The following FHOD3 variants were observed in gnomAD, a reference collection of about 807,000 sequenced individuals.
FHOD3 encodes FH1/FH2 domain-containing protein 3.
Under a neutral mutation model 173.0 loss-of-function variants are expected in FHOD3, and 90 were observed. That is an observed-to-expected ratio of 0.52 (90% CI 0.44 to 0.62). The LOEUF is 0.62. Among genes scored for constraint, FHOD3 ranks in the 20% least tolerant of loss-of-function variants. The pLI, the probability that FHOD3 is intolerant of heterozygous loss-of-function variation, is 0.00. For synonymous variants in FHOD3, 828 were observed against 823.0 expected (o/e 1.01, Z -0.10); for missense variants, 1,945 against 2,034.7 (o/e 0.96, Z 0.85).
At chr18:36,739,802 C>T (rs1042185141) in intron 20 of FHOD3, among the ~76,000 whole-genome samples, 2 of 151,888 alleles carry the variant, frequency 1.3e-5, no homozygotes, top group African/African-American at 4.8e-5. Context: ...GTGTATTGAC[C>T]CTATATCATA....
chr18:36,353,022 C>T (rs772663793), intron 1 of FHOD3, among the ~76,000 whole-genome samples: 4 of 152,206 alleles, frequency 2.6e-5, no homozygotes, highest in Non-Finnish European at 5.9e-5. Flanking sequence ...TCTGCAGGAA[C>T]TCTTCCTGCC....
At chr18:36,398,909 T>C (rs2048676931) in intron 3 of FHOD3, among the ~76,000 whole-genome samples, 1 of 152,030 alleles carries the variant, frequency 6.6e-6, no homozygotes, top group Non-Finnish European at 1.5e-5. Flanking sequence ...GAGAAATATG[T>C]GTGGCATGTG....
chr18:36,671,521 A>G (rs1026163140), intron 14 of FHOD3, among the ~76,000 whole-genome samples: 1 of 152,216 alleles, frequency 6.6e-6, no homozygotes, highest in African/African-American at 2.4e-5. Context: ...TTTTTTCACC[A>G]CTGAAATAGA....
rs142186343 is a variant in FHOD3 at position 36,625,609 on chromosome 18, C to A, written c.1056C>A (p.Gly352=). 2 of 1,585,450 alleles carry A rather than the reference C, an allele frequency of 1.3e-6. No homozygotes were observed. Among genetic ancestry groups the A allele is most frequent in the Non-Finnish European group, 8.6e-7 (1 of 1,162,062 alleles). Residue 352 remains glycine (G), a synonymous_variant, in exon 10 of 29, where the codon GGC becomes GGA. Transcript: ENST00000590592. The part of the protein sequence containing the change: ...RRASVCSSGG[G]EHRGLDRRRS... ...CCAGCGTGTGTTCCAGTGGCGGAGGCGAGCACCGGGGCCTGGACCGCAGAA... is the reference window on the plus strand; with the variant it reads ...CCAGCGTGTGTTCCAGTGGCGGAGGAGAGCACCGGGGCCTGGACCGCAGAA...
intron 3 of FHOD3, among the ~76,000 whole-genome samples, chr18:36,459,650 AAGC>A (rs1312412839): frequency 1.3e-5 from 2 of 152,304 alleles, no homozygotes; most frequent in Admixed American, 6.5e-5. Flanking sequence ...TCAAGTATAA[AAGC>A]AGAGCATTTT....
chr18:36,378,442 A>G (rs2047554670), intron 3 of FHOD3, among the ~76,000 whole-genome samples: 1 of 151,978 alleles, frequency 6.6e-6, no homozygotes, highest in Admixed American at 6.6e-5. Context: ...GCATGTGTCT[A>G]GAAGGCCCTT....
chr18:36,610,243 C>G (rs541441940), intron 8 of FHOD3, among the ~76,000 whole-genome samples: 2 of 152,370 alleles, frequency 1.3e-5, no homozygotes, highest in African/African-American at 2.4e-5. Flanking sequence ...GTTAGGGCAT[C>G]TCTAATTGTT....
At chr18:36,600,934 T>C (rs2031290101) in intron 7 of FHOD3, among the ~76,000 whole-genome samples, 2 of 152,178 alleles carry the variant, frequency 1.3e-5, no homozygotes, top group South Asian at 4.1e-4. Context: ...TATGCCAAGG[T>C]TTTATACAAA....
intron 5 of FHOD3, among the ~76,000 whole-genome samples, chr18:36,542,547 T>C (rs935944282): frequency 6.6e-5 from 10 of 152,234 alleles, no homozygotes; most frequent in Admixed American, 5.2e-4. Context: ...TTGCTAAATA[T>C]ATAGGGTATT....
At chr18:36,602,274 A>G (rs924521907) in intron 7 of FHOD3, among the ~76,000 whole-genome samples, 1 of 152,178 alleles carries the variant, frequency 6.6e-6, no homozygotes, top group Admixed American at 6.5e-5. Flanking sequence ...GGATGTTAAG[A>G]TCTTCCACAT....
At chr18:36,533,566 A>G (rs1233297595) in intron 5 of FHOD3, among the ~76,000 whole-genome samples, 1 of 152,208 alleles carries the variant, frequency 6.6e-6, no homozygotes, top group Non-Finnish European at 1.5e-5. Flanking sequence ...GCTGCTCTTG[A>G]AAAGGTCTGA....
At chr18:36,663,518 CT>C (rs2036954002) in intron 14 of FHOD3, among the ~76,000 whole-genome samples, 1 of 152,172 alleles carries the variant, frequency 6.6e-6, no homozygotes, top group Non-Finnish European at 1.5e-5. Context: ...GCATCATCTG[CT>C]TTTAGGAGGT....
At chr18:36,345,492 G>T (rs2045837641) in intron 1 of FHOD3, among the ~76,000 whole-genome samples, 1 of 152,132 alleles carries the variant, frequency 6.6e-6, no homozygotes, top group African/African-American at 2.4e-5. Flanking sequence ...AGGCTAGAGT[G>T]CAGTGGCACG....
At chr18:36,537,904 C>T (rs1276609729) in intron 5 of FHOD3, among the ~76,000 whole-genome samples, 1 of 151,926 alleles carries the variant, frequency 6.6e-6, no homozygotes, top group Non-Finnish European at 1.5e-5. Context: ...TTTAAAGGGC[C>T]CATGGAATAT....
intron 4 of FHOD3, among the ~76,000 whole-genome samples, chr18:36,511,358 T>C: frequency 1.6e-5 from 1 of 61,760 alleles, no homozygotes; most frequent in Non-Finnish European, 4.5e-5. Context: ...CTTGCCAATG[T>C]TTTTTTTTTT....
intron 1 of FHOD3, among the ~76,000 whole-genome samples, chr18:36,305,429 C>A (rs935783366): frequency 3.9e-5 from 6 of 152,146 alleles, no homozygotes; most frequent in Non-Finnish European, 8.8e-5. Flanking sequence ...AAAAATGAAA[C>A]AAATTAGTTT....
intron 7 of FHOD3, among the ~76,000 whole-genome samples, chr18:36,601,790 C>T (rs1280567040): frequency 6.6e-6 from 1 of 152,238 alleles, no homozygotes; most frequent in Non-Finnish European, 1.5e-5. Flanking sequence ...TTTCACTTCA[C>T]TTCAAATATT....
chr18:36,477,970 A>G (rs1197481446), intron 3 of FHOD3, among the ~76,000 whole-genome samples: 3 of 152,202 alleles, frequency 2.0e-5, no homozygotes, highest in African/African-American at 7.2e-5. Flanking sequence ...ATGCCTCTCA[A>G]CAGGTGGGCA....
intron 3 of FHOD3, among the ~76,000 whole-genome samples, chr18:36,493,723 A>T (rs1437593802): frequency 6.6e-6 from 1 of 152,174 alleles, no homozygotes; most frequent in East Asian, 1.9e-4. Flanking sequence ...TTGTATTGTC[A>T]ATAACTGCTG....
Sources: allele counts gnomAD v4.1 joint callset (sites outside exome capture counted in the v4.1 genomes callset), GRCh38; gene constraint gnomAD v4.1.1; transcripts MANE v1.5; gene names NCBI Gene and HGNC (gene_info 2026-07-23, HGNC 2026-07-21).